The following DDHD1 variants were observed in gnomAD, a reference collection of about 807,000 sequenced individuals.
DDHD1 encodes phospholipase DDHD1.
Under a neutral mutation model 96.4 loss-of-function variants are expected in DDHD1, and 49 were observed. That is an observed-to-expected ratio of 0.51 (90% CI 0.40 to 0.64). DDHD1 has a LOEUF of 0.64. Among genes scored for constraint, DDHD1 ranks in the 30% least tolerant of loss-of-function variants. The pLI is 0.00. For missense variants in DDHD1, 1,106 were observed against 1,161.2 expected (o/e 0.95, Z 0.69); for synonymous variants, 442 against 446.5 (o/e 0.99, Z 0.13).
intron 1 of DDHD1, among the ~76,000 whole-genome samples, chr14:53,109,300 T>C (rs1887930510): frequency 6.6e-6 from 1 of 152,186 alleles, no homozygotes; most frequent in South Asian, 2.1e-4. Context: ...TAGCTAGTTC[T>C]ATAAATTACC....
intron 1 of DDHD1, among the ~76,000 whole-genome samples, chr14:53,123,609 T>C (rs1434745728): frequency 6.6e-6 from 1 of 152,232 alleles, no homozygotes; most frequent in Non-Finnish European, 1.5e-5. Flanking sequence ...ATCAGTATGG[T>C]TAAATCTTGA....
At chr14:53,086,243 G>A (rs540823669) in intron 4 of DDHD1, among the ~76,000 whole-genome samples, 1 of 152,310 alleles carries the variant, frequency 6.6e-6, no homozygotes, top group Non-Finnish European at 1.5e-5. Flanking sequence ...ATATTATCCA[G>A]GAGAACTTCC....
At chr14:53,099,646 A>T (rs1887150903) in intron 2 of DDHD1, among the ~76,000 whole-genome samples, 1 of 152,218 alleles carries the variant, frequency 6.6e-6, no homozygotes, top group South Asian at 2.1e-4. Context: ...AAAATGAGTG[A>T]AACACTAATC....
intron 1 of DDHD1, among the ~76,000 whole-genome samples, chr14:53,125,446 AAC>A (rs1314766267): frequency 2.0e-5 from 3 of 152,218 alleles, no homozygotes; most frequent in African/African-American, 7.2e-5. Context: ...ACAACCGTAA[AAC>A]AGTTGTCTGA....
At chr14:53,078,334 C>G (rs1340366354) in intron 4 of DDHD1, among the ~76,000 whole-genome samples, 1 of 152,090 alleles carries the variant, frequency 6.6e-6, no homozygotes, top group Non-Finnish European at 1.5e-5. Flanking sequence ...AAAGTGGTAC[C>G]TTTAAAGTGG....
chr14:53,087,781 A>T (rs1228616081), intron 4 of DDHD1, among the ~76,000 whole-genome samples: 1 of 152,216 alleles, frequency 6.6e-6, no homozygotes, highest in African/African-American at 2.4e-5. Context: ...CAAATTCAAA[A>T]TATAGCAGAA....
At chr14:53,101,411 C>T (rs138467181) in intron 2 of DDHD1, among the ~76,000 whole-genome samples, 267 of 152,078 alleles carry the variant, frequency 1.8e-3, no homozygotes, top group African/African-American at 6.2e-3. Context: ...TTCAGTTGAA[C>T]ACATCTTTGC....
chr14:53,101,996 C>CA (rs1477540128), intron 2 of DDHD1, among the ~76,000 whole-genome samples: 4 of 151,808 alleles, frequency 2.6e-5, no homozygotes, highest in Admixed American at 2.0e-4. Context: ...CTTTCTCCTC[C>CA]AAGCTCCTGG....
intron 1 of DDHD1, among the ~76,000 whole-genome samples, chr14:53,142,169 G>A (rs1459952364): frequency 6.6e-6 from 1 of 152,192 alleles, no homozygotes; most frequent in African/African-American, 2.4e-5. Context: ...TATAACTATG[G>A]TAAATCAAGG....
At chr14:53,114,551 A>G (rs1490273705) in intron 1 of DDHD1, among the ~76,000 whole-genome samples, 1 of 152,218 alleles carries the variant, frequency 6.6e-6, no homozygotes, top group Non-Finnish European at 1.5e-5. Context: ...GCAGGCAGCA[A>G]TCTTTGCTGT....
In DDHD1 at chr14:53,054,633, T is replaced by A; in HGVS notation, c.2246-4A>T. 2 of 1,613,008 alleles carry A rather than the reference T, an allele frequency of 1.2e-6. No homozygotes were observed. Among genetic ancestry groups the A allele is most frequent in the Non-Finnish European group, 1.7e-6 (2 of 1,179,150 alleles). ...CCCTTTCCAATGCTAGCAGCCCCTG[T>A]ATTTCACAAAGCAGGGTAGTCATTC... On this transcript the variant is annotated splice_region_variant and splice_polypyrimidine_tract_variant and intron_variant, in intron 10 of 12. Transcript: ENST00000673822.
chr14:53,103,733 A>G lies in DDHD1; in HGVS notation c.962T>C (p.Met321Thr), dbSNP rs1887485566. The G allele has an allele frequency of 2.5e-6, 4 of 1,613,056 alleles. No individual in the cohort carries two copies. In the South Asian group the frequency reaches 4.4e-5, roughly 18 times the overall value. Residue 321 changes from methionine (M) to threonine (T), a missense_variant, in exon 2 of 13, where the codon ATG (methionine) becomes ACG (threonine). By Grantham distance (81) the Met-to-Thr change is moderately conservative (BLOSUM62 -1). Transcript: ENST00000673822. ...CACTTCAATATCGAAATTTTCCTGC[A>G]TCTGCTGGCCCCTAAAACAATTGAG... is the stretch of plus-strand genomic sequence containing the variant. ...EHLNCFRGQQMQENFDIEVSK... is the reference protein window; with the variant it reads ...EHLNCFRGQQTQENFDIEVSK...
At chr14:53,081,077 T>TC (rs1885432356) in intron 4 of DDHD1, among the ~76,000 whole-genome samples, 1 of 152,180 alleles carries the variant, frequency 6.6e-6, no homozygotes, top group East Asian at 1.9e-4. Flanking sequence ...TGACTGCATA[T>TC]CCCCAAAGTT....
At chr14:53,068,547 A>C (rs1884244762) in intron 6 of DDHD1, among the ~76,000 whole-genome samples, 1 of 152,148 alleles carries the variant, frequency 6.6e-6, no homozygotes, top group Non-Finnish European at 1.5e-5. Context: ...CACTACACCC[A>C]GACTGATAAT....
Position 53,054,247 on chromosome 14 carries a change from A to G in DDHD1, c.2437+191T>C, listed in dbSNP as rs75168037. The stretch of plus-strand genomic sequence containing the variant: ...ATTCTATTAATTCATCAATGCAGAA[A>G]GTAAAACTGCATTTTCCTGGAAATT... On this transcript the variant is annotated intron_variant, in intron 11 of 12. Coordinates refer to ENST00000673822, the MANE Select transcript of DDHD1 (RefSeq NM_001160148.2). 8,626 of 531,536 alleles carry G rather than the reference A, an allele frequency of 0.016. 93 individuals are homozygous for G. The highest frequency in any genetic ancestry group is 0.022 in the Non-Finnish European group (6,751 of 306,904). 32.9% of individuals were successfully genotyped at this position (531,536 alleles called of 1,614,324 possible).
At chr14:53,072,429 C>T (rs1191773150) in intron 6 of DDHD1, among the ~76,000 whole-genome samples, 168 bp downstream of exon 6, 2 of 151,982 alleles carry the variant, frequency 1.3e-5, no homozygotes, top group Non-Finnish European at 2.9e-5. Flanking sequence ...TTAAGGGTCA[C>T]AATGTCTAGT....
chr14:53,127,599 TTG>T (rs1413768877), intron 1 of DDHD1, among the ~76,000 whole-genome samples: 2 of 152,160 alleles, frequency 1.3e-5, no homozygotes, highest in African/African-American at 4.8e-5. Context: ...CCTCAGCCAT[TTG>T]GTAGAACTAA....
At position 53,045,603 on chromosome 14, in the gene DDHD1, T is replaced by C. The variant is rs1193595893; in HGVS notation, c.*1165A>G. On this transcript the variant is annotated 3_prime_UTR_variant, in exon 13 of 13. Transcript: ENST00000673822. ...TTTGGTGCCTTGGTGTATTAACATG[T>C]AACATGAGAACAAGATTTATTTACT... 2 of 152,240 alleles carry C rather than the reference T, an allele frequency of 1.3e-5. No individual in the cohort carries two copies. The highest frequency in any genetic ancestry group is 1.3e-4 in the Admixed American group (2 of 15,274). The allele number at this position is 152,240 out of a possible 1,614,324, so 9.4% of individuals were successfully genotyped here.
intron 1 of DDHD1, among the ~76,000 whole-genome samples, chr14:53,138,349 G>A (rs916047830): frequency 2.0e-5 from 3 of 152,138 alleles, no homozygotes; most frequent in Admixed American, 6.5e-5. Flanking sequence ...AGGCTGCAGT[G>A]AGCCAAAATT....
Sources: gnomAD v4.1 joint callset for allele counts (sites outside exome capture counted in the v4.1 genomes callset) on GRCh38, gnomAD v4.1.1 for gene constraint, MANE v1.5 for transcripts, NCBI Gene and HGNC (gene_info 2026-07-23, HGNC 2026-07-21) for gene names.